Variants in CELF2 observed in about 807,000 individuals in gnomAD.
The protein encoded by CELF2 is CUG triplet repeat RNA-binding protein 2.
A neutral mutation model predicts 62.6 loss-of-function variants in CELF2; 8 were observed. The observed-to-expected ratio is 0.13, with a 90% CI of 0.07 to 0.23. CELF2 has a LOEUF of 0.23. Ranked by LOEUF, CELF2 falls within the 10% of genes least tolerant of loss-of-function variation. The pLI, the probability that CELF2 is intolerant of heterozygous loss-of-function variation, is 1.00. For synonymous variants in CELF2, 258 were observed against 250.0 expected (o/e 1.03, Z -0.30); for missense variants, 333 against 671.0 (o/e 0.50, Z 5.56).
chr10:10,568,396 A>T, the CELF2 span, among the ~76,000 whole-genome samples: 1 of 152,212 alleles, frequency 6.6e-6, no homozygotes, highest in African/African-American at 2.4e-5. Context: ...TCTGTTTTGT[A>T]AATGAAGTTT....
chr10:11,107,088 G>T (rs1192117971), intron 1 of CELF2, among the ~76,000 whole-genome samples: 1 of 152,222 alleles, frequency 6.6e-6, no homozygotes, highest in Non-Finnish European at 1.5e-5. Context: ...TTTGTACTAA[G>T]GGAGCTGCGT....
chr10:11,095,722 C>T (rs986763619), intron 1 of CELF2, among the ~76,000 whole-genome samples: 4 of 152,102 alleles, frequency 2.6e-5, no homozygotes, highest in African/African-American at 4.8e-5. Flanking sequence ...GAGGCAGGCA[C>T]GCAGTGCTCC....
rs2071820542 is a variant in CELF2 at position 11,237,366 on chromosome 10, T to C, written c.355-11787T>C. Among the ~76,000 whole-genome samples the C allele has an allele frequency of 1.3e-5, 2 of 152,156 alleles. No individual in the cohort carries two copies. Among genetic ancestry groups the C allele is most frequent in the African/African-American group, 4.8e-5 (2 of 41,444 alleles). ...CGTGGTCTCTGTCCAGCTTCTCAAG[T>C]TCTCTGTGGGGTACCCAGATTCAGG... On this transcript the variant is annotated intron_variant, in intron 3 of 12. Coordinates refer to ENST00000633077, the MANE Select transcript of CELF2 (RefSeq NM_001326342.2). The surrounding 1 kb of genome is among the most constrained non-coding windows in gnomAD (Gnocchi z 4.0).
At chr10:11,045,057 G>T (rs982827401) in intron 1 of CELF2, among the ~76,000 whole-genome samples, 1 of 152,190 alleles carries the variant, frequency 6.6e-6, no homozygotes, top group African/African-American at 2.4e-5. Context: ...TAATGTTCCA[G>T]TGCCTTCCAG....
the CELF2 span, among the ~76,000 whole-genome samples, chr10:10,659,064 G>GA: frequency 1.4e-4 from 22 of 152,166 alleles, no homozygotes; most frequent in African/African-American, 5.1e-4. Flanking sequence ...CTGATTATTG[G>GA]AAAAATCAAA....
At chr10:10,518,117 C>T in the CELF2 span, among the ~76,000 whole-genome samples, 1 of 152,190 alleles carries the variant, frequency 6.6e-6, no homozygotes, top group Non-Finnish European at 1.5e-5. Context: ...GACGACTTCT[C>T]AACAATAACA....
chr10:10,844,945 A>G (rs1158737130), intron 1 of CELF2, among the ~76,000 whole-genome samples: 2 of 152,160 alleles, frequency 1.3e-5, no homozygotes, highest in African/African-American at 2.4e-5. Flanking sequence ...GTTTCATGTG[A>G]GATGGATGAA....
intron 1 of CELF2, among the ~76,000 whole-genome samples, chr10:10,893,328 C>G (rs1007375961): frequency 6.6e-6 from 1 of 152,176 alleles, no homozygotes; most frequent in Non-Finnish European, 1.5e-5. Flanking sequence ...TATGGAAGTG[C>G]CATGATACAT....
chr10:11,280,876 C>T lies in CELF2; in HGVS notation c.841+5756C>T, dbSNP rs896964852. ...CTCTCTAGGGCTTCCTGGCGCCAGC[C>T]TCCACTGGGTCCTTCCCCATTGACA... On this transcript the variant is annotated intron_variant, in intron 8 of 12. Coordinates refer to ENST00000633077, the MANE Select transcript of CELF2 (RefSeq NM_001326342.2). This position sits in a 1 kb window ranked among gnomAD's most constrained non-coding sequence, Gnocchi z 7.6. Among the ~76,000 whole-genome samples the T allele has an allele frequency of 4.6e-5, 7 of 152,122 alleles. No individual in the cohort carries two copies. Among genetic ancestry groups the T allele is most frequent in the Non-Finnish European group, 8.8e-5 (6 of 68,016 alleles).
chr10:10,585,573 T>C, the CELF2 span, among the ~76,000 whole-genome samples: 1 of 152,196 alleles, frequency 6.6e-6, no homozygotes, highest in East Asian at 1.9e-4. Flanking sequence ...CCTTATTCTG[T>C]TTTTGGAAAT....
At chr10:10,474,822 G>C in the CELF2 span, among the ~76,000 whole-genome samples, 1 of 152,072 alleles carries the variant, frequency 6.6e-6, no homozygotes, top group Non-Finnish European at 1.5e-5. Context: ...TGGCAGCAAG[G>C]GGAACAGTCA....
chr10:10,870,807 G>A (rs2060691599), intron 1 of CELF2, among the ~76,000 whole-genome samples: 1 of 152,200 alleles, frequency 6.6e-6, no homozygotes, highest in Non-Finnish European at 1.5e-5. Context: ...CCAGAGCACG[G>A]TGACAGTCGC....
chr10:11,258,709 A>G (rs1590015934), intron 5 of CELF2, among the ~76,000 whole-genome samples: 1 of 152,200 alleles, frequency 6.6e-6, no homozygotes, highest in South Asian at 2.1e-4. Flanking sequence ...TGTGTTTTTC[A>G]CTTCTTTTTG....
chr10:11,191,883 C>CCTG lies in CELF2; in HGVS notation c.272-25540_272-25538dup, dbSNP rs768863946. On this transcript the variant is annotated intron_variant, in intron 2 of 12. Coordinates refer to ENST00000633077, the MANE Select transcript of CELF2 (RefSeq NM_001326342.2). This position sits in a 1 kb window ranked among gnomAD's most constrained non-coding sequence, Gnocchi z 4.1. ...TATCCCAAGCCTGTTTTCCACCCTC[C>CCTG]CTGCCCTCCCATGCAGAGGCCCCGC... Among the ~76,000 whole-genome samples, 36 of 152,164 alleles carry CCTG rather than the reference C, an allele frequency of 2.4e-4. 1 individual carries two copies. Among genetic ancestry groups the CCTG allele is most frequent in the Non-Finnish European group, 4.7e-4 (32 of 68,016 alleles).
chr10:11,073,157 T>C (rs2070700043), intron 1 of CELF2, among the ~76,000 whole-genome samples: 1 of 152,230 alleles, frequency 6.6e-6, no homozygotes, highest in Admixed American at 6.5e-5. Flanking sequence ...TTCACAAATC[T>C]GGACAGAGCA....
the CELF2 span, among the ~76,000 whole-genome samples, chr10:10,467,451 T>C: frequency 6.6e-6 from 1 of 152,150 alleles, no homozygotes; most frequent in African/African-American, 2.4e-5. Flanking sequence ...ATTTATTCTT[T>C]CACTAGTTCC....
intron 2 of CELF2, among the ~76,000 whole-genome samples, chr10:10,942,120 A>T (rs2047122577): frequency 6.6e-6 from 1 of 152,186 alleles, no homozygotes; most frequent in Non-Finnish European, 1.5e-5. Flanking sequence ...AGGAAAAAAA[A>T]AATTGTCTTG....
intron 1 of CELF2, among the ~76,000 whole-genome samples, chr10:11,054,006 A>G (rs975304623): frequency 6.6e-6 from 1 of 152,134 alleles, no homozygotes; most frequent in African/African-American, 2.4e-5. Context: ...CTAATTTTGG[A>G]AAATACCCCA....
the CELF2 span, among the ~76,000 whole-genome samples, chr10:10,583,363 C>T: frequency 6.6e-6 from 1 of 152,098 alleles, no homozygotes; most frequent in Non-Finnish European, 1.5e-5. Context: ...TTTTTCTGTT[C>T]TCACCTACAT....
Sources: allele counts gnomAD v4.1 joint callset (sites outside exome capture counted in the v4.1 genomes callset), GRCh38; gene constraint gnomAD v4.1.1; non-coding constraint Gnocchi (gnomAD v3.1); transcripts MANE v1.5; gene names NCBI Gene and HGNC (gene_info 2026-07-23, HGNC 2026-07-21).